The following NRXN3 variants were observed in gnomAD, a reference collection of about 807,000 sequenced individuals.
NRXN3 encodes neurexin III.
NRXN3 carries 32 observed loss-of-function variants against 137.6 expected under a neutral mutation model. The ratio of observed to expected loss-of-function variants is 0.23; its 90% CI spans 0.18 to 0.31. The LOEUF (loss-of-function observed/expected upper bound fraction) is 0.31, where lower values mean the gene tolerates loss of function less well. NRXN3 is among the 10% of genes least tolerant of loss of function. NRXN3 has a pLI of 1.00. For synonymous variants in NRXN3, 798 were observed against 784.5 expected (o/e 1.02, Z -0.29); for missense variants, 1,574 against 2,062.5 (o/e 0.76, Z 4.59).
chr14:78,588,921 G>A (rs905121775), intron 4 of NRXN3, among the ~76,000 whole-genome samples: 7 of 152,194 alleles, frequency 4.6e-5, no homozygotes, highest in Non-Finnish European at 8.8e-5. Context: ...CATAGAAAAT[G>A]TTGGAGGGAA....
At chr14:78,353,531 A>G (rs1423247401) in intron 4 of NRXN3, among the ~76,000 whole-genome samples, 3 of 151,808 alleles carry the variant, frequency 2.0e-5, no homozygotes, top group South Asian at 2.1e-4. Flanking sequence ...TGATCTAACT[A>G]CCTCCAAAGG....
intron 19 of NRXN3, among the ~76,000 whole-genome samples, chr14:79,777,308 G>A (rs1470079108): frequency 6.6e-6 from 1 of 152,146 alleles, no homozygotes; most frequent in African/African-American, 2.4e-5. Flanking sequence ...TAGATTCGGT[G>A]TCTTTCTAAA....
chr14:78,725,184 A>G lies in NRXN3; in HGVS notation c.2044+10045A>G, dbSNP rs115464775. Among the ~76,000 whole-genome samples, 960 of 152,290 alleles carry G rather than the reference A, an allele frequency of 6.3e-3. 15 individuals are homozygous for G. Among genetic ancestry groups the G allele is most frequent in the African/African-American group, 0.022 (918 of 41,554 alleles). On this transcript the variant is annotated intron_variant, in intron 8 of 20. Coordinates refer to ENST00000335750, the MANE Select transcript of NRXN3 (RefSeq NM_001330195.2). Reference sequence around the variant, plus strand: ...AAAGCCCTGTGCATTTCAGATTTCAATCTTCTCTGCAGGCCCCTTGTTTGA... The same window carrying G: ...AAAGCCCTGTGCATTTCAGATTTCAGTCTTCTCTGCAGGCCCCTTGTTTGA...
intron 6 of NRXN3, among the ~76,000 whole-genome samples, chr14:78,664,855 A>G (rs925757367): frequency 6.6e-6 from 1 of 152,218 alleles, no homozygotes; most frequent in African/African-American, 2.4e-5. Context: ...TGACACATGA[A>G]TAGATGGGAA....
chr14:79,201,910 G>T (rs2170048), intron 15 of NRXN3, among the ~76,000 whole-genome samples: 151,664 of 152,298 alleles, frequency 1, 75,520 homozygotes, highest in Middle Eastern at 1. Context: ...TATCCTTATT[G>T]TACAGGCGAG....
Position 79,000,242 on chromosome 14 carries a change from TC to T in NRXN3, c.3262+12102del, listed in dbSNP as rs879648904. 1.4e-3 allele frequency among the ~76,000 whole-genome samples: 208 copies of T among 152,268 alleles called. 1 individual carries two copies. Among genetic ancestry groups the T allele is most frequent in the African/African-American group, 4.5e-3 (187 of 41,562 alleles). On this transcript the variant is annotated intron_variant, in intron 15 of 20. Coordinates refer to ENST00000335750, the MANE Select transcript of NRXN3 (RefSeq NM_001330195.2). Reference sequence around the variant, plus strand: ...CTCAGATATTCTTATGTGAGTGAAATCAAATGCATGTATGTGCATACATATG... The same window carrying T: ...CTCAGATATTCTTATGTGAGTGAAATAAATGCATGTATGTGCATACATATG...
At chr14:79,149,515 C>T (rs2059610561) in intron 15 of NRXN3, among the ~76,000 whole-genome samples, 1 of 151,856 alleles carries the variant, frequency 6.6e-6, no homozygotes, top group African/African-American at 2.4e-5. Flanking sequence ...AGTATATACC[C>T]AAAGGAATAT....
At chr14:78,810,228 C>T in intron 9 of NRXN3, 90 bp from the exon 10 acceptor site, 3 of 762,884 alleles carry the variant, frequency 3.9e-6, no homozygotes, top group Non-Finnish European at 6.7e-6. Flanking sequence ...TGTGTCTGTC[C>T]CCGGAAGGGT....
intron 4 of NRXN3, among the ~76,000 whole-genome samples, chr14:78,335,475 C>T (rs1339625386): frequency 6.6e-6 from 1 of 152,256 alleles, no homozygotes; most frequent in Non-Finnish European, 1.5e-5. Context: ...TCTCCCCTAT[C>T]TTGGTGCCTT....
intron 10 of NRXN3, among the ~76,000 whole-genome samples, chr14:78,928,163 C>T (rs1021902358): frequency 6.6e-6 from 1 of 152,162 alleles, no homozygotes; most frequent in African/African-American, 2.4e-5. Flanking sequence ...AATTTGCTCT[C>T]TGGGATCTTC....
intron 1 of NRXN3, among the ~76,000 whole-genome samples, chr14:78,226,045 C>T (rs2064613256): frequency 6.7e-6 from 1 of 149,062 alleles, no homozygotes; most frequent in Non-Finnish European, 1.5e-5. Context: ...GCTCTGTCGC[C>T]CAGGCTAGAA....
At chr14:79,696,358 A>C (rs1447040366) in intron 18 of NRXN3, among the ~76,000 whole-genome samples, 4 of 151,984 alleles carry the variant, frequency 2.6e-5, no homozygotes, top group African/African-American at 9.7e-5. Context: ...TTTCTAGCTA[A>C]GGTAATTCAG....
chr14:78,386,548 G>A (rs1311340420), intron 4 of NRXN3, among the ~76,000 whole-genome samples: 1 of 152,164 alleles, frequency 6.6e-6, no homozygotes, highest in Non-Finnish European at 1.5e-5. Context: ...GTTCTGCCTA[G>A]CATGATGATG....
At chr14:79,067,290 C>T (rs1379407984) in intron 15 of NRXN3, among the ~76,000 whole-genome samples, 3 of 152,072 alleles carry the variant, frequency 2.0e-5, no homozygotes, top group Non-Finnish European at 2.9e-5. Context: ...TATGTTGAAC[C>T]AAACTTGCAT....
chr14:78,558,919 A>G (rs1196242220), intron 4 of NRXN3, among the ~76,000 whole-genome samples: 1 of 152,212 alleles, frequency 6.6e-6, no homozygotes, highest in African/African-American at 2.4e-5. Context: ...CTAATTCAAA[A>G]CCAGGTCTTT....
intron 19 of NRXN3, among the ~76,000 whole-genome samples, chr14:79,764,583 C>A (rs1382072536): frequency 1.3e-5 from 2 of 152,122 alleles, no homozygotes; most frequent in Non-Finnish European, 2.9e-5. Context: ...ACCTAATAAA[C>A]CGTGCTGTTT....
At chr14:78,896,490 A>G (rs777447166) in intron 10 of NRXN3, among the ~76,000 whole-genome samples, 6 of 151,866 alleles carry the variant, frequency 4.0e-5, no homozygotes, top group African/African-American at 2.4e-5. Context: ...CAGCTCCACA[A>G]TGATGCCTAG....
At chr14:78,482,825 G>T (rs978947067) in intron 4 of NRXN3, among the ~76,000 whole-genome samples, 4 of 152,164 alleles carry the variant, frequency 2.6e-5, no homozygotes, top group Non-Finnish European at 5.9e-5. Context: ...TAATTAGTCA[G>T]CATTACCCCC....
At chr14:79,055,182 C>T (rs2152609726) in intron 15 of NRXN3, among the ~76,000 whole-genome samples, 1 of 152,278 alleles carries the variant, frequency 6.6e-6, no homozygotes, top group East Asian at 1.9e-4. Context: ...ATGACTTTTT[C>T]ACCTTCTCTC....
Sources: allele counts gnomAD v4.1 joint callset (sites outside exome capture counted in the v4.1 genomes callset), GRCh38; gene constraint gnomAD v4.1.1; transcripts MANE v1.5; gene names NCBI Gene and HGNC (gene_info 2026-07-23, HGNC 2026-07-21).